SASH1: variants seen among roughly 807,000 people sequenced by gnomAD.
The protein encoded by SASH1 is SAM and SH3 domain containing 1, also known as SAM and SH3 domain-containing protein 1.
Under a neutral mutation model 125.2 loss-of-function variants are expected in SASH1, and 44 were observed. The ratio of observed to expected loss-of-function variants is 0.35; its 90% CI spans 0.28 to 0.45. The LOEUF is 0.45. Among genes scored for constraint, SASH1 ranks in the 20% least tolerant of loss-of-function variants. SASH1 has a pLI of 1.00. For synonymous variants in SASH1, 639 were observed against 649.1 expected (o/e 0.98, Z 0.24); for missense variants, 1,426 against 1,614.5 (o/e 0.88, Z 2.00).
At chr6:148,497,529 T>A (rs1779364990) in intron 8 of SASH1, among the ~76,000 whole-genome samples, 1 of 152,240 alleles carries the variant, frequency 6.6e-6, no homozygotes, top group Admixed American at 6.5e-5. Flanking sequence ...ATTAGCTCTG[T>A]ATCTGTGGCC....
At chr6:148,252,803 A>T in the SASH1 span, among the ~76,000 whole-genome samples, 1 of 152,108 alleles carries the variant, frequency 6.6e-6, no homozygotes, top group Non-Finnish European at 1.5e-5. Flanking sequence ...AATAACTCTT[A>T]GGATTTCAGA....
At chr6:148,507,163 C>T (rs879502372) in intron 8 of SASH1, among the ~76,000 whole-genome samples, 10 of 152,194 alleles carry the variant, frequency 6.6e-5, no homozygotes, top group Admixed American at 6.5e-4. Flanking sequence ...GGAGATACTT[C>T]TGAGCAGAAG....
chr6:148,250,587 A>AC, the SASH1 span, among the ~76,000 whole-genome samples: 2 of 151,726 alleles, frequency 1.3e-5, no homozygotes, highest in Non-Finnish European at 2.9e-5. Flanking sequence ...AAAAAAAAAA[A>AC]AACTGTATTT....
the SASH1 span, among the ~76,000 whole-genome samples, chr6:148,265,142 G>A: frequency 3.5e-3 from 536 of 152,256 alleles, 3 homozygotes; most frequent in African/African-American, 0.012. Context: ...CAAAATGACA[G>A]TCTTAGAAAT....
At chr6:148,357,782 A>G (rs1782003321) in intron 1 of SASH1, among the ~76,000 whole-genome samples, 1 of 152,082 alleles carries the variant, frequency 6.6e-6, no homozygotes, top group Non-Finnish European at 1.5e-5. Context: ...ATTTTCGGCC[A>G]GGCACAGTGG....
At chr6:148,289,806 G>A (rs1228444175) in intron 1 of SASH1, among the ~76,000 whole-genome samples, 1 of 150,070 alleles carries the variant, frequency 6.7e-6, no homozygotes, top group Non-Finnish European at 1.5e-5. Flanking sequence ...TATAGCCATT[G>A]TGAACACAAA....
At chr6:148,417,345 G>T (rs941881492) in intron 2 of SASH1, among the ~76,000 whole-genome samples, 12 of 152,140 alleles carry the variant, frequency 7.9e-5, no homozygotes, top group African/African-American at 2.9e-4. Context: ...CCAGCGCTTT[G>T]GGAGGGTGAA....
intron 1 of SASH1, among the ~76,000 whole-genome samples, chr6:148,357,413 C>T (rs1035227973): frequency 2.6e-5 from 4 of 152,106 alleles, no homozygotes; most frequent in Admixed American, 1.3e-4. Flanking sequence ...TGCACACTGC[C>T]CCACAGGGTG....
chr6:148,255,179 G>A, the SASH1 span, among the ~76,000 whole-genome samples: 2 of 152,176 alleles, frequency 1.3e-5, no homozygotes, highest in African/African-American at 4.8e-5. Flanking sequence ...CAGTCTGGGT[G>A]GCTTTAGCAA....
intron 1 of SASH1, among the ~76,000 whole-genome samples, chr6:148,386,545 G>A (rs1195482593): frequency 1.3e-5 from 2 of 152,192 alleles, no homozygotes; most frequent in Non-Finnish European, 2.9e-5. Context: ...AGGGTAGTGT[G>A]TAAGCTGTAA....
intron 2 of SASH1, among the ~76,000 whole-genome samples, chr6:148,396,250 G>A (rs1355985620): frequency 1.3e-5 from 2 of 151,906 alleles, no homozygotes; most frequent in African/African-American, 4.8e-5. Flanking sequence ...AGGCCAAGGC[G>A]GGCAGATCAC....
chr6:148,290,456 A>T (rs1487293648), intron 1 of SASH1, among the ~76,000 whole-genome samples: 1 of 151,374 alleles, frequency 6.6e-6, no homozygotes, highest in African/African-American at 2.4e-5. Flanking sequence ...AATACAAAAA[A>T]TTAGCCGGGC....
intron 16 of SASH1, among the ~76,000 whole-genome samples, chr6:148,538,243 C>T (rs1343377299): frequency 6.6e-6 from 1 of 152,192 alleles, no homozygotes; most frequent in Admixed American, 6.5e-5. Flanking sequence ...GCACATACTT[C>T]CATGCTGCAG....
intron 1 of SASH1, among the ~76,000 whole-genome samples, chr6:148,311,520 T>C (rs1006473082): frequency 2.7e-4 from 41 of 152,252 alleles, no homozygotes; most frequent in African/African-American, 9.4e-4. Context: ...ATAAAACCTG[T>C]CAGCCAGATG....
At chr6:148,314,431 C>T (rs1780425082) in intron 1 of SASH1, among the ~76,000 whole-genome samples, 1 of 152,110 alleles carries the variant, frequency 6.6e-6, no homozygotes, top group Non-Finnish European at 1.5e-5. Flanking sequence ...AAACAAATCC[C>T]AATTATTAAT....
chr6:148,383,364 C>G (rs1783230129), intron 1 of SASH1, among the ~76,000 whole-genome samples: 1 of 151,942 alleles, frequency 6.6e-6, no homozygotes, highest in African/African-American at 2.4e-5. Flanking sequence ...CATCCCTCTT[C>G]AAACAAGGAG....
At chr6:148,218,670 G>A in the SASH1 span, among the ~76,000 whole-genome samples, 7 of 152,248 alleles carry the variant, frequency 4.6e-5, no homozygotes, top group Admixed American at 2.0e-4. Flanking sequence ...GCCACATCAG[G>A]ACAGAAAACT....
At chr6:148,449,193 T>C (rs1448484389) in intron 4 of SASH1, among the ~76,000 whole-genome samples, 44 of 133,276 alleles carry the variant, frequency 3.3e-4, no homozygotes, top group East Asian at 1.2e-3. Context: ...CCTCAGCCTC[T>C]CGAGTAGCTG....
the SASH1 span, among the ~76,000 whole-genome samples, chr6:148,223,222 G>T: frequency 6.6e-6 from 1 of 152,132 alleles, no homozygotes; most frequent in East Asian, 1.9e-4. Context: ...AACTAGGTGG[G>T]CCTCCAATCT....
Sources: allele counts gnomAD v4.1 joint callset (sites outside exome capture counted in the v4.1 genomes callset), GRCh38; gene constraint gnomAD v4.1.1; transcripts MANE v1.5; gene names NCBI Gene and HGNC (gene_info 2026-07-23, HGNC 2026-07-21).